The following ANKRD18B variants were observed in gnomAD, a reference collection of about 807,000 sequenced individuals.
ANKRD18B encodes the protein ankyrin repeat domain-containing protein 18B.
ANKRD18B carries 75 observed loss-of-function variants against 111.8 expected under a neutral mutation model. That is an observed-to-expected ratio of 0.67 (90% CI 0.56 to 0.81). The LOEUF is 0.81. Ranked by LOEUF, ANKRD18B falls within the 40% of genes least tolerant of loss-of-function variation. The pLI is 0.00. For missense variants in ANKRD18B, 1,038 were observed against 1,225.5 expected, an observed-to-expected ratio of 0.85 and a Z score of 2.28; for synonymous variants, 356 against 417.3, an observed-to-expected ratio of 0.85 and a Z score of 1.79.
At chr9:33,545,414 T>G (rs995929309) in intron 10 of ANKRD18B, among the ~76,000 whole-genome samples, 2 of 152,194 alleles carry the variant, frequency 1.3e-5, no homozygotes, top group African/African-American at 4.8e-5. Context: ...GATTTGTGGT[T>G]TGCTCACTCC....
chr9:33,546,925 C>T (rs1828364854), intron 10 of ANKRD18B, among the ~76,000 whole-genome samples: 1 of 152,098 alleles, frequency 6.6e-6, no homozygotes, highest in Non-Finnish European at 1.5e-5. Context: ...ACTAGAAACT[C>T]AGCAGTTTCA....
intron 6 of ANKRD18B, among the ~76,000 whole-genome samples, chr9:33,538,206 T>C (rs951681073): frequency 6.6e-5 from 10 of 152,214 alleles, no homozygotes; most frequent in Non-Finnish European, 1.3e-4. Context: ...TGAGCTAATG[T>C]GCACCCATAC....
chr9:33,571,160 C>T, intron 17 of ANKRD18B, 86 bp from the exon 18 acceptor site: 2 of 471,036 alleles, frequency 4.2e-6, no homozygotes, highest in Non-Finnish European at 5.8e-6. Context: ...CTAAAGGCCA[C>T]ATTTTGTAAG....
chr9:33,535,347 G>A (rs1447957816), intron 5 of ANKRD18B, among the ~76,000 whole-genome samples: 7 of 151,968 alleles, frequency 4.6e-5, no homozygotes, highest in Non-Finnish European at 7.4e-5. Context: ...GTGCAGTGGC[G>A]CAATCTCGGC....
chr9:33,541,222 C>T lies in ANKRD18B; in HGVS notation c.1073C>T (p.Ala358Val). The change falls in exon 9 of 19, where the codon GCA (alanine) becomes GTA (valine). Residue 358 changes from alanine to valine, a missense_variant. Ala to Val is a moderately conservative substitution (Grantham distance 64, BLOSUM62 0). This residue lies in a region of ANKRD18B where 205 missense variants were observed against 201.3 expected (regional missense o/e 1.02). Transcript: ENST00000684830. ...AAATTGAAAAAAAGAAAAGAAGGTG[C>T]AAAAGGTAAGACACTTGAGTATCTC... ...RKKLKKRKEGAKEHNLKVASE... is the reference protein window; with the variant it reads ...RKKLKKRKEGVKEHNLKVASE... 6.5e-7 allele frequency: 1 copy of T among 1,545,138 alleles called. No homozygotes were observed. The highest frequency in any genetic ancestry group is 2.0e-5 in the Admixed American group (1 of 49,870).
chr9:33,573,686 C>T (rs1563911200), downstream of ANKRD18B, among the ~76,000 whole-genome samples: 2 of 140,740 alleles, frequency 1.4e-5, no homozygotes, highest in East Asian at 2.2e-4. Flanking sequence ...CCCCTGGGCA[C>T]ACATGCAGGG....
chr9:33,574,719 GACAA>G (rs1828835507), downstream of ANKRD18B: 2 of 152,766 alleles, frequency 1.3e-5, no homozygotes, highest in Admixed American at 6.5e-5. Context: ...AGAGAAGCAA[GACAA>G]ACAAACACAC....
At chr9:33,554,873 T>A (rs901859594) in intron 12 of ANKRD18B, among the ~76,000 whole-genome samples, 3 of 152,088 alleles carry the variant, frequency 2.0e-5, no homozygotes, top group Admixed American at 6.6e-5. Context: ...AAAGCACGGA[T>A]ACAGAGGCAG....
intron 10 of ANKRD18B, among the ~76,000 whole-genome samples, chr9:33,547,241 T>C (rs776547472): frequency 2.5e-4 from 38 of 152,154 alleles, no homozygotes; most frequent in South Asian, 2.1e-4. Context: ...TGTGATCTGA[T>C]GGAGAACTGG....
chr9:33,545,404 G>T (rs1018952851), intron 10 of ANKRD18B, among the ~76,000 whole-genome samples: 2 of 152,182 alleles, frequency 1.3e-5, no homozygotes, highest in African/African-American at 4.8e-5. Context: ...AAGTCTTTTT[G>T]ATTTGTGGTT....
At chr9:33,534,292 T>C in intron 4 of ANKRD18B, 78 bp from the exon 5 acceptor site, 1 of 1,461,282 alleles carries the variant, frequency 6.8e-7, no homozygotes, top group Non-Finnish European at 9.0e-7. Flanking sequence ...AGATATGAAA[T>C]TGGTAAAGTG....
intron 3 of ANKRD18B, among the ~76,000 whole-genome samples, chr9:33,530,206 A>G (rs1201179333): frequency 1.3e-5 from 2 of 152,242 alleles, no homozygotes; most frequent in African/African-American, 2.4e-5. Context: ...AGGATTGTGC[A>G]TTACAATGAC....
downstream of ANKRD18B, chr9:33,573,248 A>C (rs1828810179): frequency 2.0e-6 from 2 of 985,182 alleles, no homozygotes; most frequent in Admixed American, 1.2e-4. Context: ...TCATGCGCTC[A>C]CTAGTCCCCA....
chr9:33,538,311 A>G (rs1643025384), intron 6 of ANKRD18B, among the ~76,000 whole-genome samples: 1 of 152,244 alleles, frequency 6.6e-6, no homozygotes, highest in Non-Finnish European at 1.5e-5. Flanking sequence ...ATATTCTTAT[A>G]CAAACAAGGT....
In ANKRD18B at chr9:33,534,403, G is replaced by A; in HGVS notation, c.636G>A (p.Leu212=). 8 of 1,549,696 alleles carry A rather than the reference G, an allele frequency of 5.2e-6. No homozygotes were observed. The highest frequency in any genetic ancestry group is 7.0e-6 in the Non-Finnish European group (8 of 1,146,414). The change falls in exon 5 of 19, where the codon TTG becomes TTA. Residue 212 remains leucine, a synonymous_variant. Coordinates refer to ENST00000684830, the MANE Select transcript of ANKRD18B (RefSeq NM_001393611.1). ...TCATACTTGCAGTACAGCATAACTT[G>A]TCAAGTATCGTCACCCTCCTGCTTC... ...TALILAVQHN[L]SSIVTLLLQQ...
intron 9 of ANKRD18B, among the ~76,000 whole-genome samples, chr9:33,542,739 TA>T (rs1426150838): frequency 6.6e-6 from 1 of 152,132 alleles, no homozygotes; most frequent in Non-Finnish European, 1.5e-5. Flanking sequence ...ATTTCAGATG[TA>T]AAAAACAGGG....
At chr9:33,537,409 G>A (rs576950326) in intron 6 of ANKRD18B, among the ~76,000 whole-genome samples, 1 of 152,174 alleles carries the variant, frequency 6.6e-6, no homozygotes, top group Non-Finnish European at 1.5e-5. Context: ...AGAATTCAGA[G>A]TTATTTAAGA....
At chr9:33,526,865 T>C (rs1828031874) in intron 1 of ANKRD18B, among the ~76,000 whole-genome samples, 1 of 152,232 alleles carries the variant, frequency 6.6e-6, no homozygotes, top group Non-Finnish European at 1.5e-5. Context: ...ATATTATTAC[T>C]ATCACAAAAA....
At chr9:33,547,825 T>G in intron 10 of ANKRD18B, 113 bp from the exon 11 acceptor site, 2 of 752,142 alleles carry the variant, frequency 2.7e-6, no homozygotes, top group East Asian at 3.1e-5. Context: ...CAGTTGGTTA[T>G]CCACTTACAG....
Sources: gnomAD v4.1 joint callset for allele counts (sites outside exome capture counted in the v4.1 genomes callset) on GRCh38, gnomAD v4.1.1 for gene constraint, gnomAD v4.1.1 regional missense constraint, MANE v1.5 for transcripts, NCBI Gene and HGNC (gene_info 2026-07-23, HGNC 2026-07-21) for gene names.